Variants in SNX18 observed in about 807,000 individuals in gnomAD.
SNX18 encodes the protein sorting nexin 18.
Under a neutral mutation model 48.7 loss-of-function variants are expected in SNX18, and 35 were observed. The observed-to-expected ratio is 0.72, with a 90% CI of 0.55 to 0.95. SNX18 has a LOEUF of 0.95. Ranked by LOEUF, SNX18 falls within the 40% of genes least tolerant of loss-of-function variation. The probability of loss-of-function intolerance (pLI) is 0.00; values close to 1 mark genes in which losing one functional copy is unlikely to be tolerated. For synonymous variants in SNX18, 492 were observed against 384.7 expected, an observed-to-expected ratio of 1.28 and a Z score of -3.26; for missense variants, 824 against 871.0, an observed-to-expected ratio of 0.95 and a Z score of 0.68.
chr5:54,593,856 CT>C, the SNX18 span, among the ~76,000 whole-genome samples: 2 of 152,174 alleles, frequency 1.3e-5, no homozygotes, highest in African/African-American at 4.8e-5. Flanking sequence ...GAATTTCAGT[CT>C]TCATCTATTA....
the SNX18 span, among the ~76,000 whole-genome samples, chr5:54,637,278 T>G: frequency 6.6e-6 from 1 of 152,288 alleles, no homozygotes; most frequent in Non-Finnish European, 1.5e-5. Context: ...CTTCCAAATA[T>G]CTGAAATAAA....
At chr5:54,540,465 C>A (rs1036538198) in intron 1 of SNX18, among the ~76,000 whole-genome samples, 4 of 152,320 alleles carry the variant, frequency 2.6e-5, no homozygotes, top group South Asian at 2.1e-4. Flanking sequence ...CATCCCCCTG[C>A]CTCAGCCTCC....
chr5:54,590,386 A>T, the SNX18 span, among the ~76,000 whole-genome samples: 1 of 152,160 alleles, frequency 6.6e-6, no homozygotes, highest in South Asian at 2.1e-4. Context: ...TCACTTCCCT[A>T]AGCCCCTTTT....
chr5:54,597,187 A>G, the SNX18 span, among the ~76,000 whole-genome samples: 1 of 152,124 alleles, frequency 6.6e-6, no homozygotes, highest in Non-Finnish European at 1.5e-5. Flanking sequence ...AAGCGGAGCT[A>G]ACTATCCTAA....
chr5:54,616,908 G>A, the SNX18 span, among the ~76,000 whole-genome samples: 2 of 152,190 alleles, frequency 1.3e-5, no homozygotes, highest in Admixed American at 1.3e-4. Context: ...CTTTTCCTGT[G>A]CTGGGACAAG....
chr5:54,560,448 G>C, the SNX18 span, among the ~76,000 whole-genome samples: 4 of 152,122 alleles, frequency 2.6e-5, no homozygotes, highest in Admixed American at 6.5e-5. Flanking sequence ...ACATAGAGGA[G>C]AACAACACAC....
chr5:54,632,459 TG>T, the SNX18 span, among the ~76,000 whole-genome samples: 1 of 152,210 alleles, frequency 6.6e-6, no homozygotes, highest in Non-Finnish European at 1.5e-5. Flanking sequence ...CTGTGCACCA[TG>T]GTGGCCTGGA....
chr5:54,552,939 T>G, the SNX18 span, among the ~76,000 whole-genome samples: 2 of 151,926 alleles, frequency 1.3e-5, no homozygotes, highest in African/African-American at 2.4e-5. Context: ...CCTGAAGACT[T>G]GAAGGACTGA....
the SNX18 span, among the ~76,000 whole-genome samples, chr5:54,587,325 AAC>A: frequency 6.6e-6 from 1 of 152,192 alleles, no homozygotes; most frequent in Admixed American, 6.5e-5. Context: ...GTTTTCTGTA[AAC>A]AAGTGGTTAT....
the SNX18 span, among the ~76,000 whole-genome samples, chr5:54,563,424 T>C: frequency 6.6e-6 from 1 of 152,228 alleles, no homozygotes; most frequent in Non-Finnish European, 1.5e-5. Context: ...TACCATTGTG[T>C]TACAGTTGCC....
the SNX18 span, among the ~76,000 whole-genome samples, chr5:54,556,282 CAA>C: frequency 6.6e-6 from 1 of 152,132 alleles, no homozygotes; most frequent in African/African-American, 2.4e-5. Flanking sequence ...GTCAGAAATC[CAA>C]AAGAGACTTC....
At chr5:54,589,424 TCTTAA>T in the SNX18 span, among the ~76,000 whole-genome samples, 1 of 152,178 alleles carries the variant, frequency 6.6e-6, no homozygotes, top group African/African-American at 2.4e-5. Flanking sequence ...ACATATGCCT[TCTTAA>T]CTTAAGGGAA....
the SNX18 span, among the ~76,000 whole-genome samples, chr5:54,607,998 T>C: frequency 6.6e-6 from 1 of 152,214 alleles, no homozygotes; most frequent in South Asian, 2.1e-4. Flanking sequence ...GGGTTTTATG[T>C]GAACATAAGT....
At chr5:54,522,132 G>A (rs960728853) in intron 1 of SNX18, among the ~76,000 whole-genome samples, 1 of 152,180 alleles carries the variant, frequency 6.6e-6, no homozygotes, top group Non-Finnish European at 1.5e-5. Flanking sequence ...GTGACAGTGT[G>A]CGATACATAA....
the SNX18 span, among the ~76,000 whole-genome samples, chr5:54,636,635 A>C: frequency 6.6e-6 from 1 of 152,292 alleles, no homozygotes; most frequent in Admixed American, 6.5e-5. Flanking sequence ...TTCTATTCCT[A>C]GAGTTGCATC....
chr5:54,552,747 A>C, the SNX18 span, among the ~76,000 whole-genome samples: 1 of 152,242 alleles, frequency 6.6e-6, no homozygotes, highest in East Asian at 1.9e-4. Context: ...GAACAAAGCC[A>C]ACAAAAATTT....
chr5:54,522,751 G>T (rs55888010), intron 1 of SNX18, among the ~76,000 whole-genome samples: 34,192 of 151,998 alleles, frequency 0.22, 4,672 homozygotes, highest in Non-Finnish European at 0.3. Context: ...GCTGCAAAAT[G>T]AGGGTGGAAA....
the SNX18 span, among the ~76,000 whole-genome samples, chr5:54,578,822 T>C: frequency 6.6e-6 from 1 of 152,182 alleles, no homozygotes; most frequent in African/African-American, 2.4e-5. Context: ...TACAACCACT[T>C]TTCTTGATTA....
At chr5:54,553,181 T>C in the SNX18 span, among the ~76,000 whole-genome samples, 2 of 152,080 alleles carry the variant, frequency 1.3e-5, no homozygotes, top group South Asian at 2.1e-4. Context: ...TTTCTCTGAA[T>C]GAGATGTGGG....
Sources: allele counts gnomAD v4.1 joint callset (sites outside exome capture counted in the v4.1 genomes callset), GRCh38; gene constraint gnomAD v4.1.1; transcripts MANE v1.5; gene names NCBI Gene and HGNC (gene_info 2026-07-23, HGNC 2026-07-21).